TPD52: variants seen among roughly 807,000 people sequenced by gnomAD.
The protein encoded by TPD52 is prostate and colon associated protein.
In TPD52, 17 loss-of-function variants were observed where a neutral mutation model predicts 31.3. The ratio of observed to expected loss-of-function variants is 0.54; its 90% confidence interval spans 0.37 to 0.82. TPD52 has a LOEUF of 0.82. TPD52 is among the 40% of genes least tolerant of loss of function. The probability of loss-of-function intolerance (pLI) is 0.00; values close to 1 mark genes in which losing one functional copy is unlikely to be tolerated. For missense variants in TPD52, 212 were observed against 240.1 expected, an observed-to-expected ratio of 0.88 and a Z score of 0.77; for synonymous variants, 83 against 89.6, an observed-to-expected ratio of 0.93 and a Z score of 0.42.
At chr8:80,093,702 TA>T (rs913596264) in intron 1 of TPD52, among the ~76,000 whole-genome samples, 38 of 151,940 alleles carry the variant, frequency 2.5e-4, no homozygotes, top group Middle Eastern at 3.4e-3. Context: ...GGTCAACCAT[TA>T]AAAAAAATAT....
At chr8:80,052,289 G>C (rs559189111) in intron 3 of TPD52, among the ~76,000 whole-genome samples, 4 of 152,104 alleles carry the variant, frequency 2.6e-5, no homozygotes, top group Non-Finnish European at 5.9e-5. Flanking sequence ...GGAGATTAGA[G>C]AAGAGAAAAG....
intron 1 of TPD52, among the ~76,000 whole-genome samples, chr8:80,118,669 C>T (rs1277385424): frequency 3.9e-5 from 6 of 152,210 alleles, no homozygotes; most frequent in Non-Finnish European, 7.3e-5. Flanking sequence ...AATTAGCACA[C>T]ACAGTGATGG....
intron 1 of TPD52, among the ~76,000 whole-genome samples, chr8:80,163,125 A>G (rs1431605310): frequency 6.6e-6 from 1 of 152,184 alleles, no homozygotes; most frequent in African/African-American, 2.4e-5. Context: ...ATCTCTGAGT[A>G]TATTTCTAAA....
At chr8:80,070,582 C>G (rs992675653) in intron 1 of TPD52, among the ~76,000 whole-genome samples, 1 of 152,184 alleles carries the variant, frequency 6.6e-6, no homozygotes, top group Non-Finnish European at 1.5e-5. Context: ...AATGCCACCA[C>G]TGATCTGACA....
intron 1 of TPD52, among the ~76,000 whole-genome samples, chr8:80,072,317 A>ATGTGTGTGTGTG (rs146024001): frequency 0.19 from 23,106 of 121,324 alleles, 3,646 homozygotes; most frequent in East Asian, 0.47. Context: ...AAAAACATAT[A>ATGTGTGTGTGTG]TGTGTGTGTG....
At chr8:80,059,950 G>A (rs1210484548) in intron 2 of TPD52, among the ~76,000 whole-genome samples, 1 of 151,624 alleles carries the variant, frequency 6.6e-6, no homozygotes, top group Non-Finnish European at 1.5e-5. Context: ...GCGTGGTGGT[G>A]CACGCCTGTA....
At chr8:80,105,248 A>G (rs1807021328) in intron 1 of TPD52, among the ~76,000 whole-genome samples, 1 of 152,158 alleles carries the variant, frequency 6.6e-6, no homozygotes, top group Non-Finnish European at 1.5e-5. Flanking sequence ...CCTCCAAAGA[A>G]AGAAGTAAAA....
intron 1 of TPD52, among the ~76,000 whole-genome samples, chr8:80,068,742 G>T (rs976123692): frequency 1.1e-4 from 16 of 152,198 alleles, no homozygotes; most frequent in Non-Finnish European, 2.4e-4. Flanking sequence ...GCATCTCGCT[G>T]ATTCCCAGCT....
chr8:80,045,677 G>C (rs532665905), intron 5 of TPD52, among the ~76,000 whole-genome samples: 1 of 152,288 alleles, frequency 6.6e-6, no homozygotes, highest in East Asian at 1.9e-4. Context: ...GGATGGAAGA[G>C]GAATAGGTTT....
intron 2 of TPD52, among the ~76,000 whole-genome samples, 170 bp downstream of exon 2, chr8:80,064,308 G>A (rs1812876975): frequency 1.3e-5 from 2 of 152,040 alleles, no homozygotes; most frequent in South Asian, 4.2e-4. Flanking sequence ...ACGAACCGAT[G>A]TCACCCTCTT....
At chr8:80,148,893 C>A (rs1469714955) in intron 1 of TPD52, among the ~76,000 whole-genome samples, 1 of 152,000 alleles carries the variant, frequency 6.6e-6, no homozygotes, top group Non-Finnish European at 1.5e-5. Context: ...TTTTTTTAAC[C>A]TAAAAGCAAA....
intron 2 of TPD52, among the ~76,000 whole-genome samples, chr8:80,057,683 T>C (rs1425344722): frequency 2.0e-5 from 3 of 151,632 alleles, no homozygotes; most frequent in Non-Finnish European, 2.9e-5. Flanking sequence ...AGAGGGAGAG[T>C]TGGGGGAAAG....
At chr8:80,067,699 C>A (rs1347987121) in intron 1 of TPD52, among the ~76,000 whole-genome samples, 2 of 151,894 alleles carry the variant, frequency 1.3e-5, no homozygotes, top group Non-Finnish European at 2.9e-5. Flanking sequence ...CATCACTGAT[C>A]TGAAAACAAA....
chr8:80,146,982 G>A (rs911182014), intron 1 of TPD52, among the ~76,000 whole-genome samples: 2 of 152,156 alleles, frequency 1.3e-5, no homozygotes, highest in African/African-American at 4.8e-5. Flanking sequence ...AGGCCTCACC[G>A]CAGACCTACT....
intron 1 of TPD52, among the ~76,000 whole-genome samples, chr8:80,162,981 G>T (rs1385746821): frequency 6.6e-6 from 1 of 152,056 alleles, no homozygotes; most frequent in African/African-American, 2.4e-5. Flanking sequence ...AATAACGAGT[G>T]TTGATAAAGA....
intron 1 of TPD52, among the ~76,000 whole-genome samples, chr8:80,096,666 T>C (rs889370458): frequency 6.6e-6 from 1 of 152,168 alleles, no homozygotes; most frequent in Non-Finnish European, 1.5e-5. Context: ...TCAGTGACCT[T>C]TGATGTTACT....
intron 5 of TPD52, among the ~76,000 whole-genome samples, chr8:80,045,187 A>G (rs1810721536): frequency 6.6e-6 from 1 of 152,242 alleles, no homozygotes; most frequent in African/African-American, 2.4e-5. Flanking sequence ...ATAAGAGTAT[A>G]ATAATCTATT....
chr8:80,147,196 CTT>C (rs1228488956), intron 1 of TPD52, among the ~76,000 whole-genome samples: 5 of 152,146 alleles, frequency 3.3e-5, no homozygotes, highest in Non-Finnish European at 7.4e-5. Context: ...TATCTATACT[CTT>C]GTGTTCATGT....
intron 1 of TPD52, among the ~76,000 whole-genome samples, chr8:80,081,487 G>A (rs1412523092): frequency 6.6e-6 from 1 of 151,856 alleles, no homozygotes; most frequent in African/African-American, 2.4e-5. Flanking sequence ...AAATAAAGGC[G>A]ACTCGCTTTC....
Sources: gnomAD v4.1 joint callset for allele counts (sites outside exome capture counted in the v4.1 genomes callset) on GRCh38, gnomAD v4.1.1 for gene constraint, MANE v1.5 for transcripts, NCBI Gene and HGNC (gene_info 2026-07-23, HGNC 2026-07-21) for gene names.